The following CSMD1 variants were observed in gnomAD, a reference collection of about 807,000 sequenced individuals.
CSMD1 encodes CUB and Sushi multiple domains 1.
Under a neutral mutation model 417.5 loss-of-function variants are expected in CSMD1, and 213 were observed. That is an observed-to-expected ratio of 0.51 (90% CI 0.46 to 0.57). The LOEUF (loss-of-function observed/expected upper bound fraction) is 0.57, where lower values mean the gene tolerates loss of function less well. Among genes scored for constraint, CSMD1 ranks in the 20% least tolerant of loss-of-function variants. The probability of loss-of-function intolerance (pLI) is 0.00; values close to 1 mark genes in which losing one functional copy is unlikely to be tolerated. For synonymous variants in CSMD1, 2,862 were observed against 1,736.8 expected (o/e 1.65, Z -16.11); for missense variants, 6,923 against 4,529.7 (o/e 1.53, Z -15.17).
Position 3,555,471 on chromosome 8 carries a change from G to A in CSMD1, c.1344+19474C>T, listed in dbSNP as rs78112080. Among the ~76,000 whole-genome samples the A allele has an allele frequency of 5.3e-3, 802 of 152,280 alleles. 8 individuals are homozygous for A. The highest frequency in any genetic ancestry group is 0.018 in the African/African-American group (767 of 41,570). On this transcript the variant is annotated intron_variant, in intron 10 of 69. Transcript: ENST00000635120. The stretch of plus-strand genomic sequence containing the variant: ...GGCCCTGGCAGGTCAGAAGGTGGAG[G>A]TGAAGTGGGATGCTGACAGGTTTAA...
intron 3 of CSMD1, among the ~76,000 whole-genome samples, chr8:4,288,498 G>C (rs561797303): frequency 1.3e-5 from 2 of 152,166 alleles, no homozygotes; most frequent in Admixed American, 6.5e-5. Flanking sequence ...ATCCCACTCT[G>C]CCTTTAGGTT....
chr8:4,483,791 A>G (rs1801227664), intron 2 of CSMD1, among the ~76,000 whole-genome samples: 1 of 152,202 alleles, frequency 6.6e-6, no homozygotes. Context: ...TTAAAATTTT[A>G]TTAATATGGG....
intron 27 of CSMD1, 142 bp from the exon 28 acceptor site, chr8:3,224,009 C>G: frequency 1.5e-6 from 1 of 671,702 alleles, no homozygotes; most frequent in Non-Finnish European, 2.4e-6. Context: ...TGTTGGTTAT[C>G]AATTATCCTG....
At chr8:4,126,787 T>C (rs1802788549) in intron 3 of CSMD1, among the ~76,000 whole-genome samples, 1 of 152,140 alleles carries the variant, frequency 6.6e-6, no homozygotes, top group Admixed American at 6.5e-5. Flanking sequence ...CAGGCAACAC[T>C]TCATTCTGGA....
chr8:3,499,231 G>T (rs143298561), intron 10 of CSMD1, among the ~76,000 whole-genome samples: 3 of 152,206 alleles, frequency 2.0e-5, no homozygotes, highest in African/African-American at 7.2e-5. Flanking sequence ...CAGTAGTGCA[G>T]TCTTCATGAT....
chr8:3,856,292 T>G (rs1585097237), intron 5 of CSMD1, among the ~76,000 whole-genome samples: 1 of 152,170 alleles, frequency 6.6e-6, no homozygotes, highest in Non-Finnish European at 1.5e-5. Flanking sequence ...TTCCGCTTCA[T>G]CTTCCGCCAT....
Position 4,172,488 on chromosome 8 carries a change from T to TA in CSMD1, c.416-140390dup, listed in dbSNP as rs377382512. 9.1e-3 allele frequency among the ~76,000 whole-genome samples: 1,336 copies of TA among 146,334 alleles called. 12 individuals are homozygous for TA. Among genetic ancestry groups the TA allele is most frequent in the Middle Eastern group, 0.052 (15 of 286 alleles). On this transcript the variant is annotated intron_variant, in intron 3 of 69. Coordinates refer to ENST00000635120, the MANE Select transcript of CSMD1 (RefSeq NM_033225.6). ...GACACTATCTTATTCACATGACAATTAAAAAAAAAAACTGAAGGATCAACA... is the reference window on the plus strand; with the variant it reads ...GACACTATCTTATTCACATGACAATTAAAAAAAAAAAACTGAAGGATCAACA...
At position 4,612,354 on chromosome 8, in the gene CSMD1, A is replaced by G. The variant is rs187729122; in HGVS notation, c.302+24988T>C. Among the ~76,000 whole-genome samples, 191 of 152,140 alleles carry G rather than the reference A, an allele frequency of 1.3e-3. 1 individual carries two copies. Among genetic ancestry groups the G allele is most frequent in the Non-Finnish European group, 1.0e-3 (68 of 68,016 alleles). Reference sequence around the variant, plus strand: ...ACTTAGGAGCACTTTCAGAATTGAAAAAAAACAAGAGGAATGGTTTTCCAA... The same window carrying G: ...ACTTAGGAGCACTTTCAGAATTGAAGAAAAACAAGAGGAATGGTTTTCCAA... On this transcript the variant is annotated intron_variant, in intron 2 of 69. Coordinates refer to ENST00000635120, the MANE Select transcript of CSMD1 (RefSeq NM_033225.6).
intron 1 of CSMD1, among the ~76,000 whole-genome samples, chr8:4,730,247 A>G (rs1465226513): frequency 1.3e-5 from 2 of 152,000 alleles, no homozygotes; most frequent in African/African-American, 4.8e-5. Flanking sequence ...ACATATATAT[A>G]TATACTTTTT....
At chr8:4,357,551 A>G (rs1437581356) in intron 3 of CSMD1, among the ~76,000 whole-genome samples, 2 of 150,174 alleles carry the variant, frequency 1.3e-5, no homozygotes, top group African/African-American at 2.5e-5. Flanking sequence ...GCACAGTTGG[A>G]AAAAAAAAAT....
intron 11 of CSMD1, among the ~76,000 whole-genome samples, chr8:3,470,794 G>C (rs4105690): frequency 0.75 from 113,940 of 152,148 alleles, 43,031 homozygotes; most frequent in East Asian, 0.87. Context: ...ACCTGGGATT[G>C]GATTTTACTT....
rs1797603047 is a variant in CSMD1 at position 4,295,235 on chromosome 8, TGC to T, written c.415+124716_415+124717del. On this transcript the variant is annotated intron_variant, in intron 3 of 69. Coordinates refer to ENST00000635120, the MANE Select transcript of CSMD1 (RefSeq NM_033225.6). ...TTTTCTATATAATCTTAAGATTATATGCACATATAATCTTAAGATTTTCTATA... is the reference window on the plus strand; with the variant it reads ...TTTTCTATATAATCTTAAGATTATATACATATAATCTTAAGATTTTCTATA... 3.3e-4 allele frequency among the ~76,000 whole-genome samples: 38 copies of T among 116,028 alleles called. 1 individual carries two copies. The highest frequency in any genetic ancestry group is 4.6e-4 in the Admixed American group (5 of 10,886). The allele number at this position is 116,028 out of a possible 152,430, so 76.1% of individuals were successfully genotyped here.
At chr8:4,675,609 T>G (rs542268284) in intron 1 of CSMD1, among the ~76,000 whole-genome samples, 1 of 151,964 alleles carries the variant, frequency 6.6e-6, no homozygotes, top group African/African-American at 2.4e-5. Context: ...GTGATTACAA[T>G]GAGGACAGAA....
chr8:3,926,829 C>A (rs1317496407), intron 5 of CSMD1, among the ~76,000 whole-genome samples: 1 of 149,126 alleles, frequency 6.7e-6, no homozygotes, highest in Non-Finnish European at 1.5e-5. Context: ...AATTCCCCTG[C>A]CTCAGACTCC....
chr8:3,233,657 CT>C (rs1179788721), intron 26 of CSMD1, among the ~76,000 whole-genome samples: 23 of 152,002 alleles, frequency 1.5e-4, no homozygotes, highest in Admixed American at 8.5e-4. Flanking sequence ...TTTTTATTCT[CT>C]TTTTTTTCAT....
At chr8:3,199,433 G>A (rs1377506512) in intron 33 of CSMD1, among the ~76,000 whole-genome samples, 1 of 152,118 alleles carries the variant, frequency 6.6e-6, no homozygotes, top group Non-Finnish European at 1.5e-5. Flanking sequence ...TACGAGATGT[G>A]AAGAGCTACA....
chr8:4,882,091 A>T lies in CSMD1; in HGVS notation c.85+112241T>A, dbSNP rs150399058. ...TAGAAAGTACGAATAATAAGCCCTC[A>T]TTTAACCACAGTATTTTGTAAAATA... On this transcript the variant is annotated intron_variant, in intron 1 of 69. Transcript: ENST00000635120. 1.2e-4 allele frequency among the ~76,000 whole-genome samples: 19 copies of T among 152,150 alleles called. No individual in the cohort carries two copies. In the East Asian group the frequency reaches 3.1e-3, roughly 25 times the overall value.
intron 5 of CSMD1, among the ~76,000 whole-genome samples, chr8:3,962,805 G>T (rs1427458249): frequency 1.3e-5 from 2 of 152,144 alleles, no homozygotes; most frequent in Admixed American, 1.3e-4. Context: ...AACATTGAGG[G>T]CAATAAGTTT....
At chr8:3,011,054 GGT>G (rs1415853263) in intron 52 of CSMD1, among the ~76,000 whole-genome samples, 1 of 151,982 alleles carries the variant, frequency 6.6e-6, no homozygotes, top group East Asian at 1.9e-4. Context: ...AAAGCTACTT[GGT>G]ATTTACCTTA....
Sources: gnomAD v4.1 joint callset for allele counts (sites outside exome capture counted in the v4.1 genomes callset) on GRCh38, gnomAD v4.1.1 for gene constraint, MANE v1.5 for transcripts, NCBI Gene and HGNC (gene_info 2026-07-23, HGNC 2026-07-21) for gene names.